The following ANKRD30A variants were observed in gnomAD, a reference collection of about 807,000 sequenced individuals.
ANKRD30A encodes the protein ankyrin repeat domain-containing protein 30A.
Under a neutral mutation model 166.3 loss-of-function variants are expected in ANKRD30A, and 170 were observed. The ratio of observed to expected loss-of-function variants is 1.02; its 90% CI spans 0.90 to 1.16. ANKRD30A has a LOEUF of 1.16. Ranked by LOEUF, ANKRD30A falls within the 50% of genes most tolerant of loss-of-function variation. ANKRD30A has a pLI of 0.00. For missense variants in ANKRD30A, 1,630 were observed against 1,518.0 expected (o/e 1.07, Z -1.23); for synonymous variants, 564 against 508.9 (o/e 1.11, Z -1.46).
At chr10:37,257,579 A>G in the ANKRD30A span, among the ~76,000 whole-genome samples, 3 of 152,154 alleles carry the variant, frequency 2.0e-5, no homozygotes, top group Non-Finnish European at 4.4e-5. Context: ...GCCGTGTCCC[A>G]GAGATTCTGG....
intron 15 of ANKRD30A, among the ~76,000 whole-genome samples, chr10:37,158,885 G>T (rs1838602095): frequency 6.6e-6 from 1 of 152,136 alleles, no homozygotes; most frequent in African/African-American, 2.4e-5. Flanking sequence ...TGAATTTTGA[G>T]ACTGAAATAT....
chr10:37,141,741 G>A lies in ANKRD30A; in HGVS notation c.844G>A (p.Asp282Asn). ...NPEGTSAGTP[D>N]EAAPLAERTP... ...AGAAGGAACATCTGCAGGAACACCTGATGAGGCTGCACCCTTGGCGGAAAG... is the reference window on the plus strand; with the variant it reads ...AGAAGGAACATCTGCAGGAACACCTAATGAGGCTGCACCCTTGGCGGAAAG... Residue 282 changes from aspartate (D) to asparagine (N), a missense_variant, in exon 7 of 36, where the codon GAT becomes AAT. Physicochemically the swap from Asp to Asn is conservative, Grantham distance 23. Transcript: ENST00000361713. 1 of 1,611,960 alleles carries A rather than the reference G, an allele frequency of 6.2e-7. No individual in the cohort carries two copies. Among genetic ancestry groups the A allele is most frequent in the East Asian group, 2.2e-5 (1 of 44,878 alleles).
At chr10:37,235,380 G>A (rs891635924), downstream of ANKRD30A, among the ~76,000 whole-genome samples, 2 of 152,084 alleles carry the variant, frequency 1.3e-5, no homozygotes, top group African/African-American at 4.8e-5. Flanking sequence ...AAGTATAATT[G>A]CCTTCAGACA....
At chr10:37,179,473 T>G (rs1287244518) in intron 24 of ANKRD30A, among the ~76,000 whole-genome samples, 1 of 151,044 alleles carries the variant, frequency 6.6e-6, no homozygotes, top group African/African-American at 2.4e-5. Flanking sequence ...ACAAAAATGT[T>G]GGCATACTAT....
chr10:37,171,714 G>C, intron 21 of ANKRD30A, among the ~76,000 whole-genome samples: 1 of 151,232 alleles, frequency 6.6e-6, no homozygotes, highest in Admixed American at 6.6e-5. Flanking sequence ...TTTTTAAAAA[G>C]ATATAAATCA....
At position 37,149,690 on chromosome 10, in the gene ANKRD30A, T is replaced by C; in HGVS notation, c.1572+11T>C. ...CCATCTGCCTTCAAGGTATTTAGTT[T>C]TATTATTTCATTTTGAATGACTTAT... On this transcript the variant is annotated intron_variant, in intron 10 of 35. Coordinates refer to ENST00000361713, the MANE Select transcript of ANKRD30A (RefSeq NM_052997.3). The C allele has an allele frequency of 6.2e-7, 1 of 1,612,492 alleles. No individual in the cohort carries two copies. Among genetic ancestry groups the C allele is most frequent in the East Asian group, 2.2e-5 (1 of 44,754 alleles).
the ANKRD30A span, among the ~76,000 whole-genome samples, chr10:37,242,408 T>C: frequency 6.6e-6 from 1 of 152,178 alleles, no homozygotes; most frequent in Admixed American, 6.5e-5. Flanking sequence ...CTCTGTCATG[T>C]TATTTTTTCA....
chr10:37,196,084 A>C (rs188288623), intron 27 of ANKRD30A, among the ~76,000 whole-genome samples: 132 of 140,832 alleles, frequency 9.4e-4, no homozygotes, highest in Non-Finnish European at 1.0e-3. Context: ...AGGTTTTTTT[A>C]TATTTTCTAT....
chr10:37,146,263 CAGAT>C (rs1837504986), intron 8 of ANKRD30A, among the ~76,000 whole-genome samples: 1 of 152,252 alleles, frequency 6.6e-6, no homozygotes, highest in Non-Finnish European at 1.5e-5. Flanking sequence ...TTTCCATCAG[CAGAT>C]ATTTTATCAA....
intron 5 of ANKRD30A, among the ~76,000 whole-genome samples, chr10:37,134,763 C>T (rs1188471876): frequency 6.6e-6 from 1 of 152,204 alleles, no homozygotes. Flanking sequence ...TGGACTTGGC[C>T]TAGACCTTCA....
chr10:37,134,165 G>C, intron 5 of ANKRD30A, 112 bp downstream of exon 5: 1 of 1,247,464 alleles, frequency 8.0e-7, no homozygotes, highest in Non-Finnish European at 1.1e-6. Context: ...AGCTAGACTA[G>C]TTAGAAGGAG....
At chr10:37,210,399 C>G (rs774619590) in intron 31 of ANKRD30A, among the ~76,000 whole-genome samples, 1 of 152,114 alleles carries the variant, frequency 6.6e-6, no homozygotes, top group African/African-American at 2.4e-5. Context: ...CAAGTCTTTG[C>G]TATTGAGAAT....
intron 24 of ANKRD30A, chr10:37,178,638 A>G (rs1314399218): frequency 1.1e-6 from 1 of 939,530 alleles, no homozygotes; most frequent in Non-Finnish European, 1.3e-6. Context: ...GTCAGGGGAG[A>G]AGAAGAAAGG....
At chr10:37,171,857 A>G (rs1178782959) in intron 21 of ANKRD30A, among the ~76,000 whole-genome samples, 1 of 147,542 alleles carries the variant, frequency 6.8e-6, no homozygotes, top group African/African-American at 2.5e-5. Context: ...GAAGTAGTTC[A>G]GTTTATGGTC....
At chr10:37,150,491 C>G (rs1837844904) in intron 11 of ANKRD30A, among the ~76,000 whole-genome samples, 1 of 152,090 alleles carries the variant, frequency 6.6e-6, no homozygotes, top group Non-Finnish European at 1.5e-5. Context: ...TCTTTTTACA[C>G]TAACCTACTT....
At chr10:37,258,426 G>T in the ANKRD30A span, among the ~76,000 whole-genome samples, 1 of 152,006 alleles carries the variant, frequency 6.6e-6, no homozygotes, top group Non-Finnish European at 1.5e-5. Context: ...TTAGCAGAAG[G>T]ACATACAAAT....
intron 30 of ANKRD30A, among the ~76,000 whole-genome samples, chr10:37,200,128 C>T (rs2132689332): frequency 6.6e-6 from 1 of 152,128 alleles, no homozygotes; most frequent in South Asian, 2.1e-4. Flanking sequence ...ATGATTCTGT[C>T]TTATATCTAG....
intron 34 of ANKRD30A, among the ~76,000 whole-genome samples, chr10:37,226,815 G>A (rs1342729541): frequency 6.6e-6 from 1 of 151,702 alleles, no homozygotes; most frequent in Admixed American, 6.6e-5. Context: ...GCAGTATGAG[G>A]GTTCTAATTT....
the ANKRD30A span, among the ~76,000 whole-genome samples, chr10:37,258,142 G>A: frequency 0.015 from 2,297 of 152,134 alleles, 43 homozygotes; most frequent in East Asian, 0.093. Context: ...TTTTAAAAAA[G>A]GATATAAGTA....
Sources: gnomAD v4.1 joint callset for allele counts (sites outside exome capture counted in the v4.1 genomes callset) on GRCh38, gnomAD v4.1.1 for gene constraint, MANE v1.5 for transcripts, NCBI Gene and HGNC (gene_info 2026-07-23, HGNC 2026-07-21) for gene names.